Variants in MYO9A observed in about 807,000 individuals in gnomAD.
The protein encoded by MYO9A is myosin IXA, also known as unconventional myosin-IXa.
A neutral mutation model predicts 293.3 loss-of-function variants in MYO9A; 103 were observed. The observed-to-expected ratio is 0.35, with a 90% CI of 0.30 to 0.41. The LOEUF (loss-of-function observed/expected upper bound fraction) is 0.41. Among genes scored for constraint, MYO9A ranks in the 10% least tolerant of loss-of-function variants. MYO9A has a pLI of 1.00. For missense variants in MYO9A, 2,685 were observed against 3,033.0 expected (o/e 0.89, Z 2.69); for synonymous variants, 1,001 against 1,035.7 (o/e 0.97, Z 0.64).
chr15:71,878,947 G>A lies in MYO9A; in HGVS notation c.5740-716C>T, dbSNP rs536481699. ...AATTTTTGTATTTTTATTAGAGACG[G>A]GGTTTTACCATATTGCCCAGGCTGG... On this transcript the variant is annotated intron_variant, in intron 30 of 41. Coordinates refer to ENST00000356056, the MANE Select transcript of MYO9A (RefSeq NM_006901.4). Among the ~76,000 whole-genome samples, 5 of 151,752 alleles carry A rather than the reference G, an allele frequency of 3.3e-5. No homozygotes were observed. In the South Asian group the frequency reaches 1.0e-3, roughly 32 times the overall value.
At chr15:72,034,236 A>G (rs775080436) in intron 2 of MYO9A, among the ~76,000 whole-genome samples, 4 of 152,186 alleles carry the variant, frequency 2.6e-5, no homozygotes, top group Non-Finnish European at 5.9e-5. Context: ...TCACAAAACT[A>G]TTGAATGAGA....
chr15:71,993,904 G>A (rs2076616315), intron 10 of MYO9A: 1 of 147,420 alleles, frequency 6.8e-6, no homozygotes, highest in South Asian at 2.1e-4. Context: ...GGAGGTTGTA[G>A]CGAGATCATG....
chr15:71,830,003 T>C (rs2054652605), intron 40 of MYO9A, 106 bp downstream of exon 40: 2 of 1,122,578 alleles, frequency 1.8e-6, no homozygotes, highest in African/African-American at 3.1e-5. Context: ...TCTGACACAG[T>C]GTTTAACACA....
chr15:71,938,347 A>C (rs1411706689), intron 16 of MYO9A, among the ~76,000 whole-genome samples: 1 of 20,194 alleles, frequency 5.0e-5, no homozygotes, highest in East Asian at 6.1e-4. Flanking sequence ...ATATATAAAA[A>C]ACAAAATTTT....
chr15:71,875,951 CT>C, intron 31 of MYO9A, 113 bp from the exon 32 acceptor site: 1 of 524,940 alleles, frequency 1.9e-6, no homozygotes, highest in African/African-American at 2.0e-5. Flanking sequence ...ATAGTCATTT[CT>C]TTATTCTCCA....
chr15:72,071,319 G>A (rs991133794), intron 1 of MYO9A, among the ~76,000 whole-genome samples: 1 of 151,998 alleles, frequency 6.6e-6, no homozygotes, highest in Admixed American at 6.6e-5. Context: ...AATCATCAGG[G>A]AAATGCAAAT....
At chr15:72,073,802 G>A (rs1233682163) in intron 1 of MYO9A, among the ~76,000 whole-genome samples, 3 of 152,130 alleles carry the variant, frequency 2.0e-5, no homozygotes, top group Admixed American at 6.6e-5. Flanking sequence ...AATATGGCAG[G>A]TATCACAGCC....
intron 13 of MYO9A, among the ~76,000 whole-genome samples, chr15:71,961,640 G>T (rs2075745513): frequency 6.6e-6 from 1 of 152,188 alleles, no homozygotes; most frequent in African/African-American, 2.4e-5. Context: ...AAGAGCAAGG[G>T]CTCAAAAACA....
chr15:72,018,416 C>T (rs2077403180), intron 6 of MYO9A, among the ~76,000 whole-genome samples: 1 of 151,914 alleles, frequency 6.6e-6, no homozygotes. Flanking sequence ...TGCAGGGAGC[C>T]AAGATCATGT....
At chr15:71,954,455 C>T (rs867172884) in intron 14 of MYO9A, among the ~76,000 whole-genome samples, 3 of 152,128 alleles carry the variant, frequency 2.0e-5, no homozygotes, top group Non-Finnish European at 4.4e-5. Context: ...CCACCTGACT[C>T]GGCCTCCAAA....
At chr15:71,976,993 C>T (rs148201983) in intron 12 of MYO9A, among the ~76,000 whole-genome samples, 1 of 152,260 alleles carries the variant, frequency 6.6e-6, no homozygotes, top group East Asian at 1.9e-4. Flanking sequence ...AAAAACCTCA[C>T]AACCACCTCA....
chr15:71,918,433 T>C (rs1407876428), intron 18 of MYO9A, among the ~76,000 whole-genome samples: 34 of 152,102 alleles, frequency 2.2e-4, no homozygotes, highest in Non-Finnish European at 2.9e-5. Flanking sequence ...ACTCCACAGC[T>C]CATAAAGTTA....
chr15:71,958,982 C>G (rs2146940655), intron 14 of MYO9A: 1 of 152,236 alleles, frequency 6.6e-6, no homozygotes, highest in Middle Eastern at 3.4e-3. Flanking sequence ...TAGCAGGATG[C>G]TAATCAATTT....
intron 32 of MYO9A, among the ~76,000 whole-genome samples, chr15:71,866,519 C>CA (rs1291202617): frequency 2.6e-5 from 4 of 151,606 alleles, no homozygotes; most frequent in African/African-American, 4.8e-5. Context: ...ATGTATGTAA[C>CA]ACGAAGTTTT....
At chr15:71,864,393 T>C (rs548158435) in intron 32 of MYO9A, among the ~76,000 whole-genome samples, 141 of 152,302 alleles carry the variant, frequency 9.3e-4, no homozygotes, top group Middle Eastern at 3.4e-3. Context: ...GATTGTAAAG[T>C]GGTGCAGTCA....
At chr15:72,067,516 C>T (rs948660762) in intron 1 of MYO9A, among the ~76,000 whole-genome samples, 4 of 151,932 alleles carry the variant, frequency 2.6e-5, no homozygotes, top group Admixed American at 2.0e-4. Flanking sequence ...CTCCTGACCT[C>T]GTGATCCACC....
chr15:71,892,974 G>C, intron 26 of MYO9A: 1 of 1,262,750 alleles, frequency 7.9e-7, no homozygotes, highest in Non-Finnish European at 1.0e-6. Flanking sequence ...CCATTTCGGA[G>C]TCACTGTGAG....
intron 1 of MYO9A, among the ~76,000 whole-genome samples, chr15:72,102,521 T>C (rs947132432): frequency 8.0e-6 from 1 of 125,558 alleles, no homozygotes; most frequent in African/African-American, 3.0e-5. Flanking sequence ...AAAAAAGAAA[T>C]AACAGATTAG....
intron 1 of MYO9A, among the ~76,000 whole-genome samples, chr15:72,110,435 CA>C (rs397854173): frequency 0.058 from 2,624 of 45,150 alleles, 75 homozygotes; most frequent in Admixed American, 0.15. Flanking sequence ...GACTCCATCT[CA>C]AAAAAAAAAA....
Sources: allele counts gnomAD v4.1 joint callset (sites outside exome capture counted in the v4.1 genomes callset), GRCh38; gene constraint gnomAD v4.1.1; transcripts MANE v1.5; gene names NCBI Gene and HGNC (gene_info 2026-07-23, HGNC 2026-07-21).